Variants in LNPK observed in about 807,000 individuals in gnomAD.
The protein encoded by LNPK is lunapark, ER junction formation factor, also known as endoplasmic reticulum junction formation protein lunapark.
Under a neutral mutation model 55.2 loss-of-function variants are expected in LNPK, and 29 were observed. That is an observed-to-expected ratio of 0.53 (90% CI 0.39 to 0.72). The LOEUF is 0.72. LNPK is among the 30% of genes least tolerant of loss of function. LNPK has a pLI of 0.00. For synonymous variants in LNPK, 162 were observed against 168.2 expected, an observed-to-expected ratio of 0.96 and a Z score of 0.29; for missense variants, 467 against 494.8, an observed-to-expected ratio of 0.94 and a Z score of 0.53.
At chr2:175,955,757 G>A (rs1432731314) in intron 8 of LNPK, among the ~76,000 whole-genome samples, 4 of 152,210 alleles carry the variant, frequency 2.6e-5, no homozygotes, top group Non-Finnish European at 5.9e-5. Context: ...TACATGCTAT[G>A]GAACACAAGT....
At chr2:175,965,719 T>C (rs539467656) in intron 6 of LNPK, among the ~76,000 whole-genome samples, 1 of 152,266 alleles carries the variant, frequency 6.6e-6, no homozygotes, top group East Asian at 1.9e-4. Context: ...TTTTCCTATT[T>C]CAAAATTATT....
chr2:175,952,645 T>TA (rs1192199669), intron 8 of LNPK, among the ~76,000 whole-genome samples: 1 of 150,600 alleles, frequency 6.6e-6, no homozygotes, highest in Non-Finnish European at 1.5e-5. Flanking sequence ...TTTTTATTGC[T>TA]AAAAAATGAC....
chr2:175,998,658 T>C (rs1688050758), intron 1 of LNPK, among the ~76,000 whole-genome samples: 1 of 152,178 alleles, frequency 6.6e-6, no homozygotes, highest in Non-Finnish European at 1.5e-5. Context: ...ACAAATCTAC[T>C]GAAATGAAAA....
chr2:175,954,347 G>C (rs561633447), intron 8 of LNPK, among the ~76,000 whole-genome samples: 12 of 152,174 alleles, frequency 7.9e-5, no homozygotes, highest in South Asian at 2.1e-4. Context: ...CAGGAAAATG[G>C]CCTCTCAAAA....
At chr2:175,937,131 T>A (rs534409224) in intron 12 of LNPK, among the ~76,000 whole-genome samples, 2 of 152,290 alleles carry the variant, frequency 1.3e-5, no homozygotes, top group South Asian at 4.1e-4. Flanking sequence ...AACTAGCTGA[T>A]GTTAGATGTT....
chr2:175,943,052 T>C (rs1684935351), intron 9 of LNPK, among the ~76,000 whole-genome samples: 1 of 151,546 alleles, frequency 6.6e-6, no homozygotes, highest in Non-Finnish European at 1.5e-5. Flanking sequence ...ATAAATTCTA[T>C]AGGTTAGATA....
chr2:175,932,550 C>T (rs141067138), intron 12 of LNPK, among the ~76,000 whole-genome samples: 155 of 152,218 alleles, frequency 1.0e-3, no homozygotes, highest in African/African-American at 3.3e-3. Context: ...ATGGCAGTAA[C>T]ACTACAAAAA....
chr2:175,944,888 A>T (rs867884501), intron 9 of LNPK, among the ~76,000 whole-genome samples: 1 of 152,102 alleles, frequency 6.6e-6, no homozygotes, highest in Non-Finnish European at 1.5e-5. Flanking sequence ...AGTAAATAAA[A>T]GTTAGGTTCT....
At chr2:175,934,560 C>T (rs748309170) in intron 12 of LNPK, among the ~76,000 whole-genome samples, 2 of 151,970 alleles carry the variant, frequency 1.3e-5, no homozygotes, top group Non-Finnish European at 2.9e-5. Context: ...TGTAAACATG[C>T]TAGCCAAAAA....
Position 175,947,700 on chromosome 2 carries a change from GAGTA to G in LNPK, c.494-12_494-9del. On this transcript the variant is annotated splice_polypyrimidine_tract_variant and intron_variant, in intron 8 of 12. Coordinates refer to ENST00000272748, the MANE Select transcript of LNPK (RefSeq NM_030650.3). ...CAGTTCGCTGACGAATCTCTGAGAA[GAGTA>G]AGTACATACTAGACTTAATTTCCAA... is the stretch of plus-strand genomic sequence containing the variant. The G allele has an allele frequency of 6.3e-7, 1 of 1,599,632 alleles. No homozygotes were observed. Among genetic ancestry groups the G allele is most frequent in the Non-Finnish European group, 8.5e-7 (1 of 1,169,948 alleles).
At chr2:175,948,235 C>A (rs995244697) in intron 8 of LNPK, among the ~76,000 whole-genome samples, 2 of 152,004 alleles carry the variant, frequency 1.3e-5, no homozygotes, top group African/African-American at 4.8e-5. Context: ...TTTGTTTTGG[C>A]CAAAACATTC....
intron 5 of LNPK, among the ~76,000 whole-genome samples, 155 bp from the exon 6 acceptor site, chr2:175,970,959 AC>A (rs1686631790): frequency 1.3e-5 from 2 of 152,080 alleles, no homozygotes; most frequent in African/African-American, 4.8e-5. Context: ...CTCCATCTTC[AC>A]CCACATATAG....
chr2:176,002,269 A>C (rs1440959836), upstream of LNPK: 1 of 448,396 alleles, frequency 2.2e-6, no homozygotes, highest in Non-Finnish European at 4.5e-6. Flanking sequence ...CAGAGAGACA[A>C]GCCGGGCCAA....
At chr2:175,979,162 G>A (rs1254582004) in intron 5 of LNPK, among the ~76,000 whole-genome samples, 11 of 151,842 alleles carry the variant, frequency 7.2e-5, no homozygotes, top group South Asian at 6.2e-4. Flanking sequence ...AATAATATAC[G>A]GGGTGAAAAA....
intron 8 of LNPK, among the ~76,000 whole-genome samples, chr2:175,948,152 A>G (rs756504235): frequency 2.7e-4 from 41 of 152,380 alleles, no homozygotes; most frequent in Non-Finnish European, 5.0e-4. Flanking sequence ...AGTCATAGAA[A>G]TGCTGAAAAA....
At chr2:175,962,395 C>T (rs918391119) in intron 8 of LNPK, among the ~76,000 whole-genome samples, 1 of 152,042 alleles carries the variant, frequency 6.6e-6, no homozygotes, top group Non-Finnish European at 1.5e-5. Context: ...TCAGAAATAA[C>T]ACCACACATC....
At chr2:175,948,580 A>G (rs1463585749) in intron 8 of LNPK, among the ~76,000 whole-genome samples, 1 of 152,214 alleles carries the variant, frequency 6.6e-6, no homozygotes, top group African/African-American at 2.4e-5. Flanking sequence ...CCAATATTTT[A>G]CTTGAATGTC....
intron 8 of LNPK, among the ~76,000 whole-genome samples, chr2:175,952,010 T>C (rs1685447152): frequency 6.6e-6 from 1 of 152,096 alleles, no homozygotes; most frequent in South Asian, 2.1e-4. Context: ...TTTTTTCATG[T>C]TTGTTGCCCA....
intron 8 of LNPK, among the ~76,000 whole-genome samples, chr2:175,951,464 C>G (rs1388816556): frequency 6.6e-6 from 1 of 151,482 alleles, no homozygotes; most frequent in Non-Finnish European, 1.5e-5. Context: ...TGAGAACATA[C>G]GATGTTTGGT....
Sources: allele counts gnomAD v4.1 joint callset (sites outside exome capture counted in the v4.1 genomes callset), GRCh38; gene constraint gnomAD v4.1.1; transcripts MANE v1.5; gene names NCBI Gene and HGNC (gene_info 2026-07-23, HGNC 2026-07-21).